The following CEP104 variants were observed in gnomAD, a reference collection of about 807,000 sequenced individuals.
CEP104 encodes the protein centrosomal protein 104, also known as centrosomal protein of 104 kDa.
Under a neutral mutation model 113.3 loss-of-function variants are expected in CEP104, and 84 were observed. That is an observed-to-expected ratio of 0.74 (90% confidence interval 0.62 to 0.89). CEP104 has a LOEUF of 0.89. CEP104 is among the 40% of genes least tolerant of loss of function. The pLI, the probability that CEP104 is intolerant of heterozygous loss-of-function variation, is 0.00. For synonymous variants in CEP104, 378 were observed against 421.7 expected, an observed-to-expected ratio of 0.90 and a Z score of 1.27; for missense variants, 1,053 against 1,156.6, an observed-to-expected ratio of 0.91 and a Z score of 1.30.
rs752680429 is a variant in CEP104 at position 3,823,239 on chromosome 1, C to T, written c.2506G>A (p.Ala836Thr). 4 of 1,614,168 alleles carry T rather than the reference C, an allele frequency of 2.5e-6. No homozygotes were observed. Among genetic ancestry groups the T allele is most frequent in the Non-Finnish European group, 3.4e-6 (4 of 1,180,026 alleles). Residue 836 changes from alanine to threonine, a missense_variant and splice_region_variant, in exon 20 of 22, where the codon GCC becomes ACC. Transcript: ENST00000378230. This position sits in a 1 kb window ranked among gnomAD's most constrained non-coding sequence, Gnocchi z 4.1. ...CGGTTTGCCAGCTTCTCCGGTTTGG[C>T]AGCTGAAATGATTTTAAAAAGACTC... Reference protein sequence around the residue: ...RHIKHKDCNPAKPEKLANRCP... With the variant: ...RHIKHKDCNPTKPEKLANRCP...
Position 3,848,680 on chromosome 1 carries a change from A to G in CEP104, c.215T>C (p.Ile72Thr), listed in dbSNP as rs539707297. 2.4e-5 allele frequency: 38 copies of G among 1,613,884 alleles called. No homozygotes were observed. Among genetic ancestry groups the G allele is most frequent in the Non-Finnish European group, 3.1e-5 (37 of 1,179,962 alleles). ...LAHQYMISSK[I>T]EFYISESLPE... is the part of the protein sequence containing the mutation. Reference sequence around the variant, plus strand: ...CAAGCTTTCACTAATGTAGAACTCAATTTTACTTGAAATCATATACTGGTG... The same window carrying G: ...CAAGCTTTCACTAATGTAGAACTCAGTTTTACTTGAAATCATATACTGGTG... The change falls in exon 3 of 22, where the codon ATT becomes ACT. Residue 72 changes from isoleucine (I) to threonine (T), a missense_variant. By Grantham distance (89) the Ile-to-Thr change is moderately conservative (BLOSUM62 -1). Coordinates refer to ENST00000378230, the MANE Select transcript of CEP104 (RefSeq NM_014704.4).
intron 12 of CEP104, chr1:3,833,638 T>C: frequency 7.5e-6 from 3 of 402,074 alleles, no homozygotes; most frequent in Non-Finnish European, 1.3e-5. Flanking sequence ...ATGGCATATG[T>C]TGGATAAAAA....
intron 6 of CEP104, among the ~76,000 whole-genome samples, chr1:3,841,439 A>G (rs969742640): frequency 6.6e-6 from 1 of 152,206 alleles, no homozygotes; most frequent in Non-Finnish European, 1.5e-5. Context: ...ACAAGATCAC[A>G]TTAACTATTT....
chr1:3,815,362 G>A lies in CEP104; in HGVS notation c.*40C>T, dbSNP rs779443196. Reference sequence around the variant, plus strand: ...GAGATGGTGTAGAATCAGGAGACCCGCTCCATCCCTCACAGAGACCAAGGA... The same window carrying A: ...GAGATGGTGTAGAATCAGGAGACCCACTCCATCCCTCACAGAGACCAAGGA... On this transcript the variant is annotated 3_prime_UTR_variant, in exon 22 of 22. Coordinates refer to ENST00000378230, the MANE Select transcript of CEP104 (RefSeq NM_014704.4). 8 of 1,432,828 alleles carry A rather than the reference G, an allele frequency of 5.6e-6. No homozygotes were observed. Among genetic ancestry groups the A allele is most frequent in the East Asian group, 2.3e-5 (1 of 42,598 alleles). 88.8% of individuals were successfully genotyped at this position (1,432,828 alleles called of 1,614,324 possible). A position where few individuals can be genotyped will look rare whatever the true frequency, so the allele number is the denominator to read the frequency against.
intron 12 of CEP104, 105 bp downstream of exon 12, chr1:3,833,757 T>C (rs1261451944): frequency 9.1e-7 from 1 of 1,095,906 alleles, no homozygotes; most frequent in Non-Finnish European, 1.3e-6. Flanking sequence ...GAGAATAATG[T>C]TAACTGAGTA....
At chr1:3,855,433 T>C (rs1020745886) in intron 1 of CEP104, among the ~76,000 whole-genome samples, 3 of 151,474 alleles carry the variant, frequency 2.0e-5, no homozygotes, top group Non-Finnish European at 4.4e-5. Context: ...TGTCCCAAAG[T>C]GTTGGGATTA....
Position 3,825,775 on chromosome 1 carries a change from A to G in CEP104, c.2347T>C (p.Cys783Arg). The change falls in exon 18 of 22, where the codon TGT becomes CGT. Residue 783 changes from cysteine to arginine, a missense_variant. By Grantham distance (180) the Cys-to-Arg change is radical. Coordinates refer to ENST00000378230, the MANE Select transcript of CEP104 (RefSeq NM_014704.4). ...GGCCTGACCTGTTTGCAGTGGTCACATCTTGTCAGCATGAGACAGTGCTTC... is the reference window on the plus strand; with the variant it reads ...GGCCTGACCTGTTTGCAGTGGTCACGTCTTGTCAGCATGAGACAGTGCTTC... The part of the protein sequence containing the change: ...YWKHCLMLTR[C>R]DHCKQVVEIS... 6.2e-7 allele frequency: 1 copy of G among 1,613,244 alleles called. No individual in the cohort carries two copies. Among genetic ancestry groups the G allele is most frequent in the Non-Finnish European group, 8.5e-7 (1 of 1,179,118 alleles).
chr1:3,825,539 C>T lies in CEP104; in HGVS notation c.2364+219G>A, dbSNP rs9424309. Among the ~76,000 whole-genome samples the T allele has an allele frequency of 0.14, 21,058 of 152,080 alleles. 2,451 individuals carry two copies. The highest frequency in any genetic ancestry group is 0.61 in the East Asian group (3,125 of 5,156). On this transcript the variant is annotated intron_variant, in intron 18 of 21. Transcript: ENST00000378230. Reference sequence around the variant, plus strand: ...CCCCTGCTGACTCTGGAAGGAGCCCCGAGGGGAGGTGGCGGCACAGCATGT... The same window carrying T: ...CCCCTGCTGACTCTGGAAGGAGCCCTGAGGGGAGGTGGCGGCACAGCATGT...
chr1:3,825,930 C>A lies in CEP104; in HGVS notation c.2256-64G>T, dbSNP rs374125523. On this transcript the variant is annotated intron_variant, in intron 17 of 21. Coordinates refer to ENST00000378230, the MANE Select transcript of CEP104 (RefSeq NM_014704.4). ...TAGTTCCACTGATGGCCGTTCCGCT[C>A]CCACGTCACGAGGAAATTCTGAATT... 1,169 of 1,080,700 alleles carry A rather than the reference C, an allele frequency of 1.1e-3. 12 individuals are homozygous for A. In the Admixed American group the frequency reaches 0.016, roughly 15 times the overall value. The allele number at this position is 1,080,700 out of a possible 1,614,324, so 66.9% of individuals were successfully genotyped here.
At chr1:3,849,562 A>T (rs1644573210) in intron 2 of CEP104, among the ~76,000 whole-genome samples, 1 of 152,204 alleles carries the variant, frequency 6.6e-6, no homozygotes, top group Admixed American at 6.5e-5. Context: ...AATAACTAAG[A>T]GTTGGGTAGA....
intron 6 of CEP104, among the ~76,000 whole-genome samples, chr1:3,840,113 T>A (rs114628473): frequency 6.6e-6 from 1 of 152,140 alleles, no homozygotes; most frequent in Non-Finnish European, 1.5e-5. Context: ...GTGAATCAAC[T>A]GCAGAACAAG....
intron 12 of CEP104, among the ~76,000 whole-genome samples, chr1:3,832,238 CGT>C (rs1557672227): frequency 2.8e-5 from 4 of 141,734 alleles, no homozygotes; most frequent in East Asian, 2.0e-4. Flanking sequence ...CACATTAGGT[CGT>C]AACCAGGAGT....
At position 3,831,030 on chromosome 1, in the gene CEP104, C is replaced by G; in HGVS notation, c.1836+16G>C. 3.7e-6 allele frequency: 6 copies of G among 1,609,366 alleles called. No homozygotes were observed. Among genetic ancestry groups the G allele is most frequent in the Non-Finnish European group, 5.1e-6 (6 of 1,177,356 alleles). On this transcript the variant is annotated intron_variant, in intron 13 of 21. Transcript: ENST00000378230. Reference sequence around the variant, plus strand: ...GTGCTGGGCCGCGTGGTGTGTCACACGCGAGGTCTGCTTACCTTCATCACG... The same window carrying G: ...GTGCTGGGCCGCGTGGTGTGTCACAGGCGAGGTCTGCTTACCTTCATCACG...
chr1:3,825,923 T>C, intron 17 of CEP104, 57 bp from the exon 18 acceptor site: 1 of 1,150,680 alleles, frequency 8.7e-7, no homozygotes, highest in Non-Finnish European at 1.3e-6. Context: ...CTGATGGCCG[T>C]TCCGCTCCCA....
Position 3,814,605 on chromosome 1 carries a change from A to G in CEP104, c.*797T>C, listed in dbSNP as rs1020966763. On this transcript the variant is annotated 3_prime_UTR_variant, in exon 22 of 22. Coordinates refer to ENST00000378230, the MANE Select transcript of CEP104 (RefSeq NM_014704.4). The stretch of plus-strand genomic sequence containing the variant: ...TCCTCCACATGTCTTTAGGAATTCG[A>G]AAGTGTGGAGAAAGTGAAGCGCCTC... The G allele has an allele frequency of 3.3e-5, 5 of 152,294 alleles. No individual in the cohort carries two copies. In the Middle Eastern group the frequency reaches 0.01, roughly 311 times the overall value. 9.4% of individuals were successfully genotyped at this position (152,294 alleles called of 1,614,324 possible).
chr1:3,824,860 TGGCACCGTGGGAAGGGC>T lies in CEP104; in HGVS notation c.2364+881_2364+897del, dbSNP rs1453339484. Among the ~76,000 whole-genome samples, 491 of 111,652 alleles carry T rather than the reference TGGCACCGTGGGAAGGGC, an allele frequency of 4.4e-3. 5 individuals are homozygous for T. The highest frequency in any genetic ancestry group is 0.017 in the African/African-American group (470 of 27,792). The allele number at this position is 111,652 out of a possible 152,430, so 73.2% of individuals were successfully genotyped here. On this transcript the variant is annotated intron_variant, in intron 18 of 21. Transcript: ENST00000378230. ...AGTGGCACCGTGGGAAGGGAGGCAG[TGGCACCGTGGGAAGGGC>T]GGCAGTGGCACCGTGGGAAGGGGGC...
intron 20 of CEP104, chr1:3,822,855 G>A (rs756783128): frequency 9.3e-5 from 25 of 269,280 alleles, no homozygotes; most frequent in Non-Finnish European, 1.7e-4. Context: ...TGTCACTGAG[G>A]GTCTCATTAT....
chr1:3,819,009 C>T lies in CEP104; in HGVS notation c.2572-2639G>A, dbSNP rs559850961. Among the ~76,000 whole-genome samples, 6 of 152,342 alleles carry T rather than the reference C, an allele frequency of 3.9e-5. No homozygotes were observed. In the East Asian group the frequency reaches 5.8e-4, roughly 15 times the overall value. ...CTTTCACATTTGAATCTCAGATCCA[C>T]TCGGAGCTTTCTTCTGAGCAGTGTG... On this transcript the variant is annotated intron_variant, in intron 20 of 21. Transcript: ENST00000378230. The surrounding 1 kb of genome is among the most constrained non-coding windows in gnomAD (Gnocchi z 4.6).
At chr1:3,833,511 T>C (rs12755519) in intron 12 of CEP104, among the ~76,000 whole-genome samples, 47,237 of 152,086 alleles carry the variant, frequency 0.31, 8,739 homozygotes, top group African/African-American at 0.51. Flanking sequence ...AGAGGAGGCA[T>C]ATTTGGTGAA....
Sources: allele counts gnomAD v4.1 joint callset (sites outside exome capture counted in the v4.1 genomes callset), GRCh38; gene constraint gnomAD v4.1.1; non-coding constraint Gnocchi (gnomAD v3.1); transcripts MANE v1.5; gene names NCBI Gene and HGNC (gene_info 2026-07-23, HGNC 2026-07-21).